Variants in TPR observed in about 807,000 individuals in gnomAD.
The protein encoded by TPR is nucleoprotein TPR.
TPR carries 51 observed loss-of-function variants against 316.1 expected under a neutral mutation model. The ratio of observed to expected loss-of-function variants is 0.16; its 90% CI spans 0.13 to 0.20. The LOEUF is 0.20. Ranked by LOEUF, TPR falls within the 10% of genes least tolerant of loss-of-function variation. The probability of loss-of-function intolerance (pLI) is 1.00; values close to 1 mark genes in which losing one functional copy is unlikely to be tolerated. For missense variants in TPR, 2,272 were observed against 2,754.8 expected (o/e 0.82, Z 3.92); for synonymous variants, 981 against 914.7 (o/e 1.07, Z -1.31).
chr1:186,355,624 G>A lies in TPR; in HGVS notation c.2022+11C>T, dbSNP rs1659006762. Reference sequence around the variant, plus strand: ...TAAAAACCTAACCCAGGACAAAGGTGTGATCTTTACCTGTTTAAGGGCAGC... The same window carrying A: ...TAAAAACCTAACCCAGGACAAAGGTATGATCTTTACCTGTTTAAGGGCAGC... On this transcript the variant is annotated intron_variant, in intron 16 of 50. Coordinates refer to ENST00000367478, the MANE Select transcript of TPR (RefSeq NM_003292.3). The A allele has an allele frequency of 6.2e-7, 1 of 1,613,918 alleles. No homozygotes were observed. The highest frequency in any genetic ancestry group is 1.3e-5 in the African/African-American group (1 of 74,906).
At position 186,361,633 on chromosome 1, in the gene TPR, T is replaced by A. The variant is rs1323959229; in HGVS notation, c.947A>T (p.Glu316Val). 2 of 1,613,168 alleles carry A rather than the reference T, an allele frequency of 1.2e-6. No homozygotes were observed. The highest frequency in any genetic ancestry group is 1.7e-6 in the Non-Finnish European group (2 of 1,179,394). ...CTGAAAACACTTACCTTCACCAGCT[T>A]CTTTCAAAAGTTTGTGTAGTTCCTC... is the stretch of plus-strand genomic sequence containing the variant. Reference protein sequence around the residue: ...AVEELHKLLKEAGEANKAIQD... With the variant: ...AVEELHKLLKVAGEANKAIQD... The change falls in exon 9 of 51, where the codon GAA (glutamate) becomes GTA (valine). Residue 316 changes from glutamate to valine, a missense_variant. Glu to Val is a moderately radical substitution (Grantham distance 121). Transcript: ENST00000367478.
At chr1:186,348,989 A>C (rs2101972535) in intron 21 of TPR, among the ~76,000 whole-genome samples, 1 of 152,320 alleles carries the variant, frequency 6.6e-6, no homozygotes, top group South Asian at 2.1e-4. Context: ...ATATATGGAC[A>C]GATACAGAGA....
At chr1:186,367,197 C>G (rs1659374566) in intron 4 of TPR, among the ~76,000 whole-genome samples, 1 of 151,482 alleles carries the variant, frequency 6.6e-6, no homozygotes, top group Admixed American at 6.6e-5. Context: ...TACAAAGTAG[C>G]TGGGATTACA....
chr1:186,361,955 T>C, intron 7 of TPR, 86 bp from the exon 8 acceptor site: 1 of 1,369,710 alleles, frequency 7.3e-7, no homozygotes, highest in South Asian at 1.3e-5. Flanking sequence ...ATTCCATTTT[T>C]GTAAAGTAAG....
intron 9 of TPR, 75 bp from the exon 10 acceptor site, chr1:186,360,980 T>C (rs549195185): frequency 2.8e-6 from 4 of 1,438,784 alleles, no homozygotes; most frequent in African/African-American, 1.4e-5. Flanking sequence ...AACAGATCAG[T>C]CACTTCTCCC....
At chr1:186,352,561 C>T (rs1334515932) in intron 18 of TPR, among the ~76,000 whole-genome samples, 2 of 152,134 alleles carry the variant, frequency 1.3e-5, no homozygotes, top group African/African-American at 4.8e-5. Context: ...GTCTGAGTCT[C>T]AAGGGGACCA....
At position 186,344,568 on chromosome 1, in the gene TPR, G is replaced by A. The variant is rs1208634615; in HGVS notation, c.3224C>T (p.Ala1075Val). Residue 1075 changes from alanine (A) to valine (V), a missense_variant, in exon 25 of 51, where the codon GCT becomes GTT. Physicochemically the swap from Ala to Val is moderately conservative, Grantham distance 64. This residue lies in a region of TPR where 757 missense variants were observed against 859.8 expected (regional missense o/e 0.88). Transcript: ENST00000367478. The stretch of plus-strand genomic sequence containing the variant: ...CTCATACTTATTCTGAGCTTCCACA[G>A]CTATTTTAGCCTATAAGAAATTATT... ...RRDCQEQAKI[A>V]VEAQNKYERE... The A allele has an allele frequency of 3.9e-6, 6 of 1,551,334 alleles. No individual in the cohort carries two copies. The highest frequency in any genetic ancestry group is 5.2e-6 in the Non-Finnish European group (6 of 1,151,200).
Position 186,363,047 on chromosome 1 carries a change from T to C in TPR, c.532-46A>G, listed in dbSNP as rs779675556. ...AACACGTACAGTTAAAGATGATATA[T>C]GATTATTCAAAAGATTTTGTCTGTA... On this transcript the variant is annotated intron_variant, in intron 5 of 50. Coordinates refer to ENST00000367478, the MANE Select transcript of TPR (RefSeq NM_003292.3). 11 of 1,544,448 alleles carry C rather than the reference T, an allele frequency of 7.1e-6. No homozygotes were observed. In the East Asian group the frequency reaches 1.4e-4, roughly 19 times the overall value.
At position 186,337,102 on chromosome 1, in the gene TPR, C is replaced by A; in HGVS notation, c.4417G>T (p.Val1473Phe). 1 of 1,613,872 alleles carries A rather than the reference C, an allele frequency of 6.2e-7. No homozygotes were observed. ...SGDHQEQHVS[V>F]QEMQELKETL... is the part of the protein sequence containing the mutation. Reference sequence around the variant, plus strand: ...TCTTTGAGTTCCTGCATTTCCTGGACTGAAACATGCTGCTCCTGATGGTCT... The same window carrying A: ...TCTTTGAGTTCCTGCATTTCCTGGAATGAAACATGCTGCTCCTGATGGTCT... Residue 1473 changes from valine (V) to phenylalanine (F), a missense_variant, in exon 32 of 51, where the codon GTC becomes TTC. By Grantham distance (50) the Val-to-Phe change is conservative (BLOSUM62 -1). This residue lies in a region of TPR where 101 missense variants were observed against 113.0 expected (regional missense o/e 0.89). Transcript: ENST00000367478.
intron 33 of TPR, among the ~76,000 whole-genome samples, chr1:186,336,156 A>G (rs1188203840): frequency 6.6e-6 from 1 of 152,126 alleles, no homozygotes; most frequent in African/African-American, 2.4e-5. Flanking sequence ...AAAGATCTTT[A>G]TGCAGTCTAC....
At chr1:186,345,997 TA>T in intron 23 of TPR, 137 bp downstream of exon 23, 1 of 913,360 alleles carries the variant, frequency 1.1e-6, no homozygotes, top group Non-Finnish European at 1.6e-6. Flanking sequence ...CAGAAAAGAG[TA>T]AAACATAAAA....
chr1:186,313,048 T>C lies in TPR; in HGVS notation c.*923A>G. On this transcript the variant is annotated 3_prime_UTR_variant, in exon 51 of 51. Transcript: ENST00000367478. ...TGTGGAAAAGAGTTAAGACTTTTGC[T>C]TTAATTTCAATTAAAATGATGGCAC... 1.2e-6 allele frequency: 1 copy of C among 802,626 alleles called. No homozygotes were observed. The highest frequency in any genetic ancestry group is 2.0e-6 in the Non-Finnish European group (1 of 501,372). The allele number at this position is 802,626 out of a possible 1,614,324, so 49.7% of individuals were successfully genotyped here.
chr1:186,348,577 C>T (rs1028114955), intron 21 of TPR, among the ~76,000 whole-genome samples: 1 of 152,112 alleles, frequency 6.6e-6, no homozygotes, highest in African/African-American at 2.4e-5. Flanking sequence ...TCTGTTCTTA[C>T]ACTACCTCCC....
rs563082694 is a variant in TPR at position 186,371,610 on chromosome 1, G to A, written c.257-567C>T. Among the ~76,000 whole-genome samples the A allele has an allele frequency of 5.3e-5, 8 of 151,860 alleles. No individual in the cohort carries two copies. In the South Asian group the frequency reaches 1.7e-3, roughly 32 times the overall value. On this transcript the variant is annotated intron_variant, in intron 2 of 50. Coordinates refer to ENST00000367478, the MANE Select transcript of TPR (RefSeq NM_003292.3). ...ACATGCAGTTTCTCTTCTAAACATA[G>A]GCTAACTAGAAAAAATATAATTTTT... is the stretch of plus-strand genomic sequence containing the variant.
chr1:186,324,631 T>C (rs1459487613), intron 42 of TPR, among the ~76,000 whole-genome samples: 2 of 152,206 alleles, frequency 1.3e-5, no homozygotes, highest in Non-Finnish European at 2.9e-5. Context: ...ACTTTACTTC[T>C]GCGATTCAGA....
In TPR at chr1:186,341,383, C is replaced by A. The variant is rs1187533909; in HGVS notation, c.3757G>T (p.Ala1253Ser). 2.5e-6 allele frequency: 4 copies of A among 1,612,054 alleles called. No homozygotes were observed. The highest frequency in any genetic ancestry group is 3.4e-6 in the Non-Finnish European group (4 of 1,179,734). ...TCTTCATGCTGAGCCATTGTTTTTG[C>A]AGTTACCTAAACATTTCAAATAAAT... Reference protein sequence around the residue: ...NAEREKVQVTAKTMAQHEELM... With the variant: ...NAEREKVQVTSKTMAQHEELM... The change falls in exon 28 of 51, where the codon GCA becomes TCA. Residue 1253 changes from alanine to serine, a missense_variant. Ala to Ser is a moderately conservative substitution (Grantham distance 99). Coordinates refer to ENST00000367478, the MANE Select transcript of TPR (RefSeq NM_003292.3).
intron 35 of TPR, among the ~76,000 whole-genome samples, chr1:186,334,771 T>C (rs569914400): frequency 1.3e-5 from 2 of 152,234 alleles, no homozygotes; most frequent in African/African-American, 4.8e-5. Context: ...GCCCAGCATT[T>C]TCTATCTGTC....
chr1:186,340,864 G>A (rs1178256587), intron 29 of TPR, among the ~76,000 whole-genome samples, 164 bp downstream of exon 29: 7 of 152,078 alleles, frequency 4.6e-5, no homozygotes, highest in African/African-American at 1.7e-4. Context: ...TGGGTTATAA[G>A]TTTAACATCT....
At chr1:186,320,235 C>T (rs1313407951) in intron 46 of TPR, 77 bp downstream of exon 46, 3 of 1,204,976 alleles carry the variant, frequency 2.5e-6, no homozygotes, top group Non-Finnish European at 2.3e-6. Flanking sequence ...TGCTCTTTTT[C>T]CCCCCTTAAA....
Sources: gnomAD v4.1 joint callset for allele counts (sites outside exome capture counted in the v4.1 genomes callset) on GRCh38, gnomAD v4.1.1 for gene constraint, gnomAD v4.1.1 regional missense constraint, MANE v1.5 for transcripts, NCBI Gene and HGNC (gene_info 2026-07-23, HGNC 2026-07-21) for gene names.